IGF2R: variants seen among roughly 807,000 people sequenced by gnomAD.
IGF2R encodes cation-independent mannose-6-phosphate receptor.
In IGF2R, 91 loss-of-function variants were observed where a neutral mutation model predicts 270.6. The observed-to-expected ratio is 0.34, with a 90% CI of 0.28 to 0.40. IGF2R has a LOEUF of 0.40. IGF2R is among the 10% of genes least tolerant of loss of function. IGF2R has a pLI of 1.00. For synonymous variants in IGF2R, 1,316 were observed against 1,258.9 expected (o/e 1.05, Z -0.96); for missense variants, 2,805 against 3,188.3 (o/e 0.88, Z 2.90).
intron 2 of IGF2R, among the ~76,000 whole-genome samples, chr6:159,995,895 C>CTTTT (rs35974914): frequency 2.0e-5 from 2 of 98,760 alleles, no homozygotes; most frequent in South Asian, 3.1e-4. Flanking sequence ...TTGCAGCGCT[C>CTTTT]TTTTTTTTTT....
chr6:160,102,517 A>G lies in IGF2R; in HGVS notation c.6843-2A>G, dbSNP rs950340915. ...GGCTCCTTTTCTGTGACGTCCTTGCAGGGTGGGCTTTGACAGCGAGAATCC... is the reference window on the plus strand; with the variant it reads ...GGCTCCTTTTCTGTGACGTCCTTGCGGGGTGGGCTTTGACAGCGAGAATCC... On this transcript the variant is annotated splice_acceptor_variant, in intron 45 of 47. Transcript: ENST00000356956. LOFTEE classifies it high-confidence loss of function. This position sits in a 1 kb window ranked among gnomAD's most constrained non-coding sequence, Gnocchi z 4.5. 1.1e-5 allele frequency: 18 copies of G among 1,611,128 alleles called. No individual in the cohort carries two copies. The highest frequency in any genetic ancestry group is 1.4e-5 in the Non-Finnish European group (17 of 1,179,168).
At chr6:160,012,998 G>GTGA (rs1784362224) in intron 4 of IGF2R, among the ~76,000 whole-genome samples, 1 of 151,856 alleles carries the variant, frequency 6.6e-6, no homozygotes, top group Non-Finnish European at 1.5e-5. Flanking sequence ...GGAGGCTGCG[G>GTGA]TGACAGTGGT....
intron 4 of IGF2R, among the ~76,000 whole-genome samples, chr6:160,015,057 C>T (rs1292131864): frequency 7.9e-5 from 12 of 151,982 alleles, no homozygotes; most frequent in Admixed American, 7.9e-4. Flanking sequence ...ACTCTATTAG[C>T]TCTCCATGAA....
rs200198664 is a variant in IGF2R, at chr6:160,090,145, C to G, written c.6655+42C>G. The G allele has an allele frequency of 1.6e-4, 222 of 1,373,468 alleles. 1 individual carries two copies. In the African/African-American group the frequency reaches 2.8e-3, roughly 17 times the overall value. 85.1% of individuals were successfully genotyped at this position (1,373,468 alleles called of 1,614,324 possible). A position where few individuals can be genotyped will look rare whatever the true frequency, so the allele number is the denominator to read the frequency against. ...CACAAAGTTCCACATTTAACTTCCT[C>G]CAAGGAAGGGGATTAAAATTTTCAA... On this transcript the variant is annotated intron_variant, in intron 44 of 47. Transcript: ENST00000356956.
At chr6:160,089,295 A>T (rs376827974) in intron 43 of IGF2R, 42 bp downstream of exon 43, 1 of 1,560,606 alleles carries the variant, frequency 6.4e-7, no homozygotes, top group Non-Finnish European at 8.8e-7. Flanking sequence ...AATGTGTTCA[A>T]AATTAAACCA....
chr6:160,040,388 C>G (rs1376314344), intron 10 of IGF2R, among the ~76,000 whole-genome samples, 172 bp from the exon 11 acceptor site: 1 of 152,206 alleles, frequency 6.6e-6, no homozygotes, highest in Non-Finnish European at 1.5e-5. Flanking sequence ...GCATCTGAAG[C>G]TTAATAGAAG....
In IGF2R at chr6:160,049,841, T is replaced by C. The variant is rs938202479; in HGVS notation, c.2515-632T>C. Among the ~76,000 whole-genome samples, 3 of 152,300 alleles carry C rather than the reference T, an allele frequency of 2.0e-5. No homozygotes were observed. The South Asian group carries it at 6.2e-4, about 32-fold the overall frequency. On this transcript the variant is annotated intron_variant, in intron 18 of 47. Transcript: ENST00000356956. The stretch of plus-strand genomic sequence containing the variant: ...GTTTGTTTGCCTGATGTGCGGCCAG[T>C]CAGTACGCTGAGACATTGGGGATTA...
intron 44 of IGF2R, chr6:160,093,765 G>T: frequency 1.3e-6 from 1 of 750,550 alleles, no homozygotes; most frequent in South Asian, 1.4e-5. Context: ...TTTGCTTTTC[G>T]ACTATATGAT....
At chr6:160,056,604 A>C (rs1778322833) in intron 20 of IGF2R, 79 bp downstream of exon 20, 3 of 914,624 alleles carry the variant, frequency 3.3e-6, no homozygotes, top group South Asian at 2.6e-5. Flanking sequence ...CCAGCTCTGA[A>C]CCGACCCCTG....
Position 159,990,428 on chromosome 6 carries a change from T to G in IGF2R, c.150-756T>G, listed in dbSNP as rs186434947. Among the ~76,000 whole-genome samples, 506 of 152,288 alleles carry G rather than the reference T, an allele frequency of 3.3e-3. 1 individual carries two copies. Among genetic ancestry groups the G allele is most frequent in the Non-Finnish European group, 4.3e-3 (293 of 68,022 alleles). ...TTCCCCTTTTGCTCCGCACTTCTCC[T>G]TGCTGAAAAAGAATGTGTTTGCTTC... On this transcript the variant is annotated intron_variant, in intron 1 of 47. Coordinates refer to ENST00000356956, the MANE Select transcript of IGF2R (RefSeq NM_000876.4).
Position 160,073,827 on chromosome 6 carries a change from A to T in IGF2R, c.5018A>T (p.Tyr1673Phe). ...LSPLIHRTGG[Y>F]EAYDESEDDA... Reference sequence around the variant, plus strand: ...CCCCTTATTCATCGCACTGGTGGTTATGAGGCTTATGATGAGAGTGAGGAT... The same window carrying T: ...CCCCTTATTCATCGCACTGGTGGTTTTGAGGCTTATGATGAGAGTGAGGAT... The change falls in exon 35 of 48, where the codon TAT becomes TTT. Residue 1673 changes from tyrosine (Y) to phenylalanine (F), a missense_variant. Around this residue, in one of 2 missense-constraint regions of IGF2R, gnomAD observed 1,851 missense variants for 2,207.2 expected, o/e 0.84. Coordinates refer to ENST00000356956, the MANE Select transcript of IGF2R (RefSeq NM_000876.4). 6.2e-7 allele frequency: 1 copy of T among 1,614,116 alleles called. No individual in the cohort carries two copies. The highest frequency in any genetic ancestry group is 8.5e-7 in the Non-Finnish European group (1 of 1,179,962).
At chr6:160,049,678 C>T (rs1047609305) in intron 18 of IGF2R, among the ~76,000 whole-genome samples, 1 of 152,144 alleles carries the variant, frequency 6.6e-6, no homozygotes, top group South Asian at 2.1e-4. Context: ...CCCTTGTGTT[C>T]GGAAAGTTTA....
chr6:160,103,125 C>G (rs1474316966), intron 46 of IGF2R, among the ~76,000 whole-genome samples: 1 of 152,098 alleles, frequency 6.6e-6, no homozygotes, highest in Non-Finnish European at 1.5e-5. Context: ...ATTTTCACGT[C>G]AGGCGTCAGT....
chr6:159,980,096 G>T (rs975839010), intron 1 of IGF2R, among the ~76,000 whole-genome samples: 2 of 152,060 alleles, frequency 1.3e-5, no homozygotes, highest in Non-Finnish European at 1.5e-5. Context: ...CAGGAGAATG[G>T]TGTGAACCCG....
rs757334710 is a variant in IGF2R, at chr6:160,090,108, T to C, written c.6655+5T>C. On this transcript the variant is annotated splice_donor_5th_base_variant and intron_variant, in intron 44 of 47. Transcript: ENST00000356956. ...AGACCAAGTACTACCTTCAAGGTAA[T>C]CCGTGGCTTCCCACAAAGTTCCACA... 4 of 1,440,388 alleles carry C rather than the reference T, an allele frequency of 2.8e-6. No individual in the cohort carries two copies. Among genetic ancestry groups the C allele is most frequent in the Non-Finnish European group, 3.7e-6 (4 of 1,085,640 alleles). The allele number at this position is 1,440,388 out of a possible 1,614,324, so 89.2% of individuals were successfully genotyped here.
At chr6:160,015,788 G>T (rs1006506161) in intron 4 of IGF2R, among the ~76,000 whole-genome samples, 18 of 152,182 alleles carry the variant, frequency 1.2e-4, no homozygotes, top group Admixed American at 6.5e-4. Context: ...AATCATGGGG[G>T]TCCCTCATGA....
chr6:160,094,144 T>G (rs1360677411), intron 44 of IGF2R: 2 of 416,204 alleles, frequency 4.8e-6, no homozygotes, highest in Non-Finnish European at 4.6e-6. Context: ...ATATGTTCTG[T>G]CAACACAAAC....
intron 44 of IGF2R, chr6:160,093,408 C>G: frequency 3.2e-6 from 1 of 311,510 alleles, no homozygotes; most frequent in South Asian, 3.9e-5. Context: ...TGGAGGAGCT[C>G]CTGGCACAGT....
At chr6:160,002,039 T>C (rs1232400055) in intron 2 of IGF2R, among the ~76,000 whole-genome samples, 2 of 152,202 alleles carry the variant, frequency 1.3e-5, no homozygotes, top group Non-Finnish European at 2.9e-5. Flanking sequence ...ATATTTTGCA[T>C]GTTATATGTA....
Sources: allele counts gnomAD v4.1 joint callset (sites outside exome capture counted in the v4.1 genomes callset), GRCh38; gene constraint gnomAD v4.1.1; regional missense constraint gnomAD v4.1.1; non-coding constraint Gnocchi (gnomAD v3.1); transcripts MANE v1.5; gene names NCBI Gene and HGNC (gene_info 2026-07-23, HGNC 2026-07-21).